Variants in FOXP2 observed in about 807,000 individuals in gnomAD.
FOXP2 encodes forkhead box P2, also known as forkhead box protein P2.
Under a neutral mutation model 115.8 loss-of-function variants are expected in FOXP2, and 12 were observed. The observed-to-expected ratio is 0.10, with a 90% CI of 0.07 to 0.17. The LOEUF is 0.17. FOXP2 is among the 10% of genes least tolerant of loss of function. The pLI is 1.00. For synonymous variants in FOXP2, 328 were observed against 297.7 expected (o/e 1.10, Z -1.05); for missense variants, 629 against 843.5 (o/e 0.75, Z 3.15).
chr7:114,179,144 A>T (rs1422329917), intron 1 of FOXP2, among the ~76,000 whole-genome samples: 5 of 151,956 alleles, frequency 3.3e-5, no homozygotes, highest in African/African-American at 1.2e-4. Context: ...TTGTAAAATC[A>T]TGTTGCTATT....
chr7:114,430,185 C>T (rs546894231), intron 2 of FOXP2, among the ~76,000 whole-genome samples: 208 of 151,736 alleles, frequency 1.4e-3, no homozygotes, highest in Non-Finnish European at 2.2e-3. Flanking sequence ...TTTGCTTCCC[C>T]CTTAACTTAT....
intron 1 of FOXP2, among the ~76,000 whole-genome samples, chr7:114,266,636 T>C (rs1347287214): frequency 2.0e-5 from 3 of 152,100 alleles, no homozygotes; most frequent in Admixed American, 6.5e-5. Context: ...CACCTCCCAA[T>C]AGGCCCCACC....
intron 1 of FOXP2, among the ~76,000 whole-genome samples, chr7:114,230,240 C>A (rs964733093): frequency 2.0e-5 from 3 of 151,908 alleles, no homozygotes; most frequent in Admixed American, 1.3e-4. Context: ...TAATCAAAAA[C>A]TTCTTAACAA....
chr7:114,421,966 T>A (rs1478164336), intron 1 of FOXP2, among the ~76,000 whole-genome samples: 1 of 151,762 alleles, frequency 6.6e-6, no homozygotes, highest in Admixed American at 6.6e-5. Context: ...TTAACTAATA[T>A]TTTGAGGTAA....
At chr7:114,643,078 T>A (rs1002623383) in intron 7 of FOXP2, among the ~76,000 whole-genome samples, 11 of 151,910 alleles carry the variant, frequency 7.2e-5, no homozygotes, top group Non-Finnish European at 1.2e-4. Flanking sequence ...CCCAAAGTGC[T>A]GGGATTACAG....
intron 1 of FOXP2, among the ~76,000 whole-genome samples, chr7:114,209,414 T>G (rs1794287988): frequency 6.6e-6 from 1 of 152,210 alleles, no homozygotes; most frequent in South Asian, 2.1e-4. Context: ...GAAGCTTAGT[T>G]TGGCTGGATA....
chr7:114,119,984 A>G (rs1193930589), intron 1 of FOXP2, among the ~76,000 whole-genome samples: 1 of 152,182 alleles, frequency 6.6e-6, no homozygotes, highest in Non-Finnish European at 1.5e-5. Context: ...TTTGAATAGT[A>G]CATACCTATA....
chr7:114,088,546 T>TCC, intron 1 of FOXP2, among the ~76,000 whole-genome samples: 1 of 152,250 alleles, frequency 6.6e-6, no homozygotes, highest in African/African-American at 2.4e-5. Context: ...GTAAGGCATA[T>TCC]CTTTGCAGGC....
At chr7:114,547,417 CTAGGG>C (rs1799979937) in intron 3 of FOXP2, among the ~76,000 whole-genome samples, 1 of 152,056 alleles carries the variant, frequency 6.6e-6, no homozygotes, top group Non-Finnish European at 1.5e-5. Flanking sequence ...GATACTTTCA[CTAGGG>C]AACCGGAAGT....
chr7:114,638,288 C>A (rs1417445902), intron 6 of FOXP2, among the ~76,000 whole-genome samples: 1 of 152,046 alleles, frequency 6.6e-6, no homozygotes, highest in African/African-American at 2.4e-5. Flanking sequence ...AAATGAGATT[C>A]AGGTTTTCCT....
intron 2 of FOXP2, among the ~76,000 whole-genome samples, chr7:114,363,542 G>T (rs2129187968): frequency 6.6e-6 from 1 of 152,154 alleles, no homozygotes; most frequent in East Asian, 1.9e-4. Context: ...CCTTTCAAAA[G>T]GATCTGATTA....
At chr7:114,532,073 G>T (rs1248683966) in intron 2 of FOXP2, among the ~76,000 whole-genome samples, 1 of 151,874 alleles carries the variant, frequency 6.6e-6, no homozygotes, top group African/African-American at 2.4e-5. Flanking sequence ...TGTTTCTTCA[G>T]TTACTTGTTT....
At chr7:114,265,450 C>T (rs1795873671) in intron 1 of FOXP2, among the ~76,000 whole-genome samples, 1 of 152,170 alleles carries the variant, frequency 6.6e-6, no homozygotes, top group South Asian at 2.1e-4. Flanking sequence ...CAGCTCTTCC[C>T]CTGTGACATT....
At chr7:114,152,397 A>G (rs896127060) in intron 1 of FOXP2, among the ~76,000 whole-genome samples, 8 of 152,234 alleles carry the variant, frequency 5.3e-5, no homozygotes, top group Admixed American at 1.3e-4. Flanking sequence ...TTTTGAGCAC[A>G]TACTTCTACA....
intron 1 of FOXP2, among the ~76,000 whole-genome samples, chr7:114,123,725 A>T (rs1004930210): frequency 1.3e-5 from 2 of 152,142 alleles, no homozygotes; most frequent in Non-Finnish European, 2.9e-5. Context: ...GTACAAACAA[A>T]ATATTCAGTA....
At chr7:114,245,660 T>G (rs982430250) in intron 1 of FOXP2, among the ~76,000 whole-genome samples, 4 of 152,206 alleles carry the variant, frequency 2.6e-5, no homozygotes, top group Non-Finnish European at 5.9e-5. Flanking sequence ...TTTCAATTTA[T>G]CTCAGATTAT....
At chr7:114,272,028 AATAAT>A (rs1177086759) in intron 1 of FOXP2, among the ~76,000 whole-genome samples, 1 of 139,328 alleles carries the variant, frequency 7.2e-6, no homozygotes, top group Non-Finnish European at 1.5e-5. Flanking sequence ...ATTAATAAAT[AATAAT>A]ATAATATAAA....
chr7:114,459,828 T>C (rs983803378), intron 2 of FOXP2, among the ~76,000 whole-genome samples: 1 of 152,098 alleles, frequency 6.6e-6, no homozygotes. Flanking sequence ...GTTGGTCCGG[T>C]TGATCTCGAA....
chr7:114,550,025 A>T (rs1031625325), intron 3 of FOXP2, among the ~76,000 whole-genome samples: 1 of 151,876 alleles, frequency 6.6e-6, no homozygotes, highest in Non-Finnish European at 1.5e-5. Context: ...AACTCTTAAT[A>T]CCAAGGCAGG....
Sources: allele counts gnomAD v4.1 joint callset (sites outside exome capture counted in the v4.1 genomes callset), GRCh38; gene constraint gnomAD v4.1.1; transcripts MANE v1.5; gene names NCBI Gene and HGNC (gene_info 2026-07-23, HGNC 2026-07-21).